Variants in ADGRL2 observed in about 807,000 individuals in gnomAD.
ADGRL2 encodes calcium-independent alpha-latrotoxin receptor 2.
A neutral mutation model predicts 157.4 loss-of-function variants in ADGRL2; 44 were observed. The ratio of observed to expected loss-of-function variants is 0.28; its 90% confidence interval spans 0.22 to 0.36. The LOEUF (loss-of-function observed/expected upper bound fraction) is 0.36, where lower values mean the gene tolerates loss of function less well. Ranked by LOEUF, ADGRL2 falls within the 10% of genes least tolerant of loss-of-function variation. The pLI is 1.00. For missense variants in ADGRL2, 1,510 were observed against 1,768.9 expected (o/e 0.85, Z 2.63); for synonymous variants, 585 against 624.7 (o/e 0.94, Z 0.95).
intron 3 of ADGRL2, among the ~76,000 whole-genome samples, chr1:81,671,107 T>C (rs1181346063): frequency 6.6e-6 from 1 of 152,174 alleles, no homozygotes; most frequent in African/African-American, 2.4e-5. Flanking sequence ...CCCTAATCTC[T>C]TTCCACTCTC....
intron 1 of ADGRL2, among the ~76,000 whole-genome samples, chr1:81,324,087 T>A (rs572836013): frequency 1.3e-5 from 2 of 152,264 alleles, no homozygotes; most frequent in East Asian, 3.9e-4. Flanking sequence ...GCTAATGTAT[T>A]GGAAGGAGGC....
chr1:81,948,041 AC>A (rs1229120816), intron 6 of ADGRL2, among the ~76,000 whole-genome samples: 3 of 151,776 alleles, frequency 2.0e-5, no homozygotes, highest in Non-Finnish European at 2.9e-5. Flanking sequence ...ATATGGTGAA[AC>A]CCCGTCTCTG....
At chr1:81,590,448 C>A (rs566497079) in intron 3 of ADGRL2, among the ~76,000 whole-genome samples, 13 of 152,210 alleles carry the variant, frequency 8.5e-5, no homozygotes, top group African/African-American at 2.9e-4. Flanking sequence ...GGTGACTGCA[C>A]TCACTTTGCT....
chr1:81,426,882 A>G, intron 1 of ADGRL2: 1 of 645,256 alleles, frequency 1.5e-6, no homozygotes, highest in Non-Finnish European at 2.9e-6. Context: ...ATAATTTGAG[A>G]CTACTTTGAA....
At chr1:81,638,830 C>T (rs2082162475) in intron 3 of ADGRL2, among the ~76,000 whole-genome samples, 1 of 152,122 alleles carries the variant, frequency 6.6e-6, no homozygotes, top group Non-Finnish European at 1.5e-5. Flanking sequence ...TAGCGAAACT[C>T]CATCTCTACA....
intron 1 of ADGRL2, among the ~76,000 whole-genome samples, chr1:81,810,341 T>A (rs944709633): frequency 1.3e-5 from 2 of 151,750 alleles, no homozygotes; most frequent in Non-Finnish European, 2.9e-5. Context: ...AATAATCATG[T>A]TTAAAATGAG....
intron 1 of ADGRL2, among the ~76,000 whole-genome samples, chr1:81,414,761 A>T (rs756631649): frequency 1.9e-4 from 29 of 152,178 alleles, no homozygotes; most frequent in Non-Finnish European, 3.8e-4. Flanking sequence ...TATTTTGGTG[A>T]TGGGAAAAGC....
chr1:81,499,292 C>T (rs569283656), intron 2 of ADGRL2, among the ~76,000 whole-genome samples: 75 of 152,372 alleles, frequency 4.9e-4, no homozygotes, highest in African/African-American at 1.8e-3. Context: ...GCTTAATCAG[C>T]TGGGTCTAGG....
rs1316775600 is a variant in ADGRL2 at position 81,345,917 on chromosome 1, T to C, written c.-302+39408T>C. Among the ~76,000 whole-genome samples the C allele has an allele frequency of 2.0e-5, 3 of 152,340 alleles. 1 individual carries two copies. Among genetic ancestry groups the C allele is most frequent in the Middle Eastern group, 6.8e-3 (2 of 294 alleles). On this transcript the variant is annotated intron_variant, in intron 1 of 24. Transcript: ENST00000370721. Reference sequence around the variant, plus strand: ...GTACCATTTCAAAAGGTTTGAGCTTTTGTTGAATCTATTCTGGATTCTGAA... The same window carrying C: ...GTACCATTTCAAAAGGTTTGAGCTTCTGTTGAATCTATTCTGGATTCTGAA...
intron 17 of ADGRL2, among the ~76,000 whole-genome samples, chr1:81,976,011 T>C (rs1395473029): frequency 6.6e-6 from 1 of 152,014 alleles, no homozygotes; most frequent in East Asian, 1.9e-4. Context: ...TTTTTAACAT[T>C]GGAGAAAATA....
At chr1:81,746,979 CGTGT>C (rs1491255698) in intron 1 of ADGRL2, among the ~76,000 whole-genome samples, 3 of 123,514 alleles carry the variant, frequency 2.4e-5, no homozygotes, top group African/African-American at 5.6e-5. Context: ...CGTATACACA[CGTGT>C]GTATATACGT....
At chr1:81,332,926 A>C (rs1388201572) in intron 1 of ADGRL2, among the ~76,000 whole-genome samples, 2 of 152,222 alleles carry the variant, frequency 1.3e-5, no homozygotes, top group Admixed American at 1.3e-4. Flanking sequence ...TATCATAATA[A>C]GACTGTGATA....
intron 3 of ADGRL2, among the ~76,000 whole-genome samples, chr1:81,934,701 T>C (rs894510637): frequency 1.3e-5 from 2 of 151,920 alleles, no homozygotes; most frequent in Non-Finnish European, 2.9e-5. Flanking sequence ...GAAATTGTTA[T>C]TTGGAGGAGT....
At chr1:81,496,062 G>T (rs2078723498) in intron 2 of ADGRL2, among the ~76,000 whole-genome samples, 1 of 152,082 alleles carries the variant, frequency 6.6e-6, no homozygotes, top group Non-Finnish European at 1.5e-5. Flanking sequence ...ATATTGGCAG[G>T]TCTTCATATT....
intron 3 of ADGRL2, among the ~76,000 whole-genome samples, chr1:81,628,440 T>A (rs2148742039): frequency 1.3e-5 from 2 of 152,268 alleles, no homozygotes; most frequent in East Asian, 3.9e-4. Context: ...CCTTGATAAC[T>A]CTTGATTGGT....
At chr1:81,791,577 G>T (rs2087348606) in intron 2 of ADGRL2, among the ~76,000 whole-genome samples, 1 of 151,752 alleles carries the variant, frequency 6.6e-6, no homozygotes, top group Admixed American at 6.6e-5. Context: ...TAATATAATG[G>T]GTCAGTGGAA....
chr1:81,502,479 G>A (rs2078875033), intron 2 of ADGRL2: 2 of 1,613,924 alleles, frequency 1.2e-6, no homozygotes, highest in South Asian at 1.1e-5. Context: ...CAGAAGAGGC[G>A]GACCCCCATC....
At position 81,990,938 on chromosome 1, in the gene ADGRL2, A is replaced by G. The variant is rs752146320; in HGVS notation, c.4203A>G (p.Glu1401=). ...SPYPESSPDM[E]EDLSPSRRSE... ...ATCCGGAGAGCAGCCCTGACATGGA[A>G]GAAGACCTCTCTCCCTCCAGGAGGA... The change falls in exon 24 of 24, where the codon GAA becomes GAG. Residue 1401 remains glutamate (E), a synonymous_variant. Transcript: ENST00000686636. 7 of 1,613,942 alleles carry G rather than the reference A, an allele frequency of 4.3e-6. No individual in the cohort carries two copies. Among genetic ancestry groups the G allele is most frequent in the Admixed American group, 3.3e-5 (2 of 59,986 alleles).
chr1:81,341,039 A>T (rs1252531851), intron 1 of ADGRL2, among the ~76,000 whole-genome samples: 1 of 152,076 alleles, frequency 6.6e-6, no homozygotes, highest in East Asian at 1.9e-4. Flanking sequence ...AACCTATCAC[A>T]TGTCTAAGGT....
Sources: gnomAD v4.1 joint callset for allele counts (sites outside exome capture counted in the v4.1 genomes callset) on GRCh38, gnomAD v4.1.1 for gene constraint, MANE v1.5 for transcripts, NCBI Gene and HGNC (gene_info 2026-07-23, HGNC 2026-07-21) for gene names.